Variants in ZNF589 observed in about 807,000 individuals in gnomAD.
ZNF589 encodes KRAB-zinc finger protein SZF1-1.
Under a neutral mutation model 13.6 loss-of-function variants are expected in ZNF589, and 17 were observed. The observed-to-expected ratio is 1.25, with a 90% CI of 0.86 to 1.88. The LOEUF (loss-of-function observed/expected upper bound fraction) is 1.88. Ranked by LOEUF, ZNF589 falls within the 40% of genes most tolerant of loss-of-function variation. The pLI, the probability that ZNF589 is intolerant of heterozygous loss-of-function variation, is 0.00. For missense variants in ZNF589, 407 were observed against 434.0 expected (o/e 0.94, Z 0.55); for synonymous variants, 148 against 161.6 (o/e 0.92, Z 0.64).
chr3:48,250,620 C>A (rs879510853), intron 2 of ZNF589, among the ~76,000 whole-genome samples: 3 of 151,816 alleles, frequency 2.0e-5, no homozygotes, highest in African/African-American at 7.2e-5. Flanking sequence ...TACAAGCATG[C>A]GACACCACGC....
chr3:48,256,919 A>G, intron 2 of ZNF589: 1 of 705,628 alleles, frequency 1.4e-6, no homozygotes, highest in Non-Finnish European at 2.5e-6. Flanking sequence ...GCCAGACACC[A>G]GAGCCTCAAA....
chr3:48,268,832 A>T lies in ZNF589; in HGVS notation c.*46A>T. Reference sequence around the variant, plus strand: ...ATCATGTCTCAACACACACCAGAGGATACATTCAGATGAGAAGCCTTTTGT... The same window carrying T: ...ATCATGTCTCAACACACACCAGAGGTTACATTCAGATGAGAAGCCTTTTGT... On this transcript the variant is annotated 3_prime_UTR_variant, in exon 4 of 4. Coordinates refer to ENST00000354698, the MANE Select transcript of ZNF589 (RefSeq NM_016089.3). The T allele has an allele frequency of 6.4e-7, 1 of 1,563,788 alleles. No homozygotes were observed.
chr3:48,249,739 A>T lies in ZNF589; in HGVS notation c.96+2062A>T, dbSNP rs181086615. On this transcript the variant is annotated intron_variant, in intron 2 of 3. Transcript: ENST00000354698. ...TCACACATGTATACCTTGCGTAATG[A>T]TCAAATCGGGGTAATTAGCATATCC... Among the ~76,000 whole-genome samples, 325 of 152,308 alleles carry T rather than the reference A, an allele frequency of 2.1e-3. 2 individuals are homozygous for T. The highest frequency in any genetic ancestry group is 4.1e-3 in the Admixed American group (62 of 15,292).
At chr3:48,265,658 T>C (rs1190555848) in intron 3 of ZNF589, among the ~76,000 whole-genome samples, 1 of 152,132 alleles carries the variant, frequency 6.6e-6, no homozygotes, top group Non-Finnish European at 1.5e-5. Flanking sequence ...TCTTCCATAT[T>C]TAATTAGCAC....
chr3:48,246,102 C>T (rs9884036), intron 1 of ZNF589, among the ~76,000 whole-genome samples: 6,560 of 152,044 alleles, frequency 0.043, 479 homozygotes, highest in African/African-American at 0.15. Context: ...CACTTAAGGT[C>T]GGGAGTTCGA....
Position 48,267,961 on chromosome 3 carries a change from C to G in ZNF589, c.270C>G (p.Ala90=), listed in dbSNP as rs1286233355. ...EVHTCPSCPL[A]FGSQQFLSQD... ...ATACCTGCCCTTCTTGCCCTCTGGCCTTTGGCAGTCAGCAGTTCCTCAGCC... is the reference window on the plus strand; with the variant it reads ...ATACCTGCCCTTCTTGCCCTCTGGCGTTTGGCAGTCAGCAGTTCCTCAGCC... Residue 90 remains alanine (A), a synonymous_variant, in exon 4 of 4, where the codon GCC becomes GCG. Coordinates refer to ENST00000354698, the MANE Select transcript of ZNF589 (RefSeq NM_016089.3). The G allele has an allele frequency of 6.2e-7, 1 of 1,613,472 alleles. No individual in the cohort carries two copies. Among genetic ancestry groups the G allele is most frequent in the Admixed American group, 1.7e-5 (1 of 60,036 alleles).
In ZNF589 at chr3:48,268,256, C is replaced by T. The variant is rs371119718; in HGVS notation, c.565C>T (p.Leu189Phe). Residue 189 changes from leucine to phenylalanine, a missense_variant, in exon 4 of 4, where the codon CTC becomes TTC. Leu to Phe is a conservative substitution (Grantham distance 22). Transcript: ENST00000354698. ...AGGCAACAGAATATTAGAGATACAG[C>T]TCAGTCCAGCCCAGAATGCAAGCTC... is the stretch of plus-strand genomic sequence containing the variant. ...WGGNRILEIQ[L>F]SPAQNASSEE... 1.2e-6 allele frequency: 2 copies of T among 1,607,952 alleles called. No individual in the cohort carries two copies. The highest frequency in any genetic ancestry group is 1.7e-6 in the Non-Finnish European group (2 of 1,176,744).
At chr3:48,256,287 G>A (rs2033902288) in intron 2 of ZNF589, 1 of 439,290 alleles carries the variant, frequency 2.3e-6, no homozygotes, top group African/African-American at 2.1e-5. Context: ...CAGGGCTTGT[G>A]AGTACGCCTC....
intron 3 of ZNF589, 136 bp from the exon 4 acceptor site, chr3:48,267,779 A>G: frequency 1.3e-6 from 1 of 784,024 alleles, no homozygotes; most frequent in South Asian, 2.5e-5. Flanking sequence ...GAATGAAAAT[A>G]TAGGTCCTGC....
At chr3:48,256,371 C>T (rs2106840549) in intron 2 of ZNF589, 1 of 554,024 alleles carries the variant, frequency 1.8e-6, no homozygotes, top group South Asian at 1.4e-5. Context: ...TCCAAGGTGT[C>T]CTTGAGTAGC....
At chr3:48,266,208 A>T (rs1014597148) in intron 3 of ZNF589, among the ~76,000 whole-genome samples, 1 of 152,230 alleles carries the variant, frequency 6.6e-6, no homozygotes, top group African/African-American at 2.4e-5. Context: ...AAGCCCCCTG[A>T]CATAGATGCA....
chr3:48,261,934 C>T (rs1433908472), intron 3 of ZNF589, among the ~76,000 whole-genome samples: 1 of 152,162 alleles, frequency 6.6e-6, no homozygotes, highest in African/African-American at 2.4e-5. Flanking sequence ...TCTTTATGCT[C>T]ATACATTTTG....
Position 48,269,029 on chromosome 3 carries a change from T to C in ZNF589, c.*243T>C, listed in dbSNP as rs1176760312. ...ACTCAGGGGAGAAGCCTTATGTGTG[T>C]GGGGAATGTGGGCGGGGATTTAGCC... On this transcript the variant is annotated 3_prime_UTR_variant, in exon 4 of 4. Coordinates refer to ENST00000354698, the MANE Select transcript of ZNF589 (RefSeq NM_016089.3). The C allele has an allele frequency of 5.0e-5, 34 of 680,490 alleles. 2 individuals are homozygous for C. In the South Asian group the frequency reaches 5.9e-4, roughly 12 times the overall value. 42.2% of individuals were successfully genotyped at this position (680,490 alleles called of 1,614,324 possible).
chr3:48,269,219 A>G lies in ZNF589; in HGVS notation c.*433A>G. ...ATGCACGGAGTGTGGGCAAGGCTTT[A>G]TCACGAAATCACAGCTCATCAGACA... On this transcript the variant is annotated 3_prime_UTR_variant, in exon 4 of 4. Coordinates refer to ENST00000354698, the MANE Select transcript of ZNF589 (RefSeq NM_016089.3). The G allele has an allele frequency of 7.0e-7, 1 of 1,432,948 alleles. No individual in the cohort carries two copies. The highest frequency in any genetic ancestry group is 2.5e-5 in the East Asian group (1 of 40,360). The allele number at this position is 1,432,948 out of a possible 1,614,324, so 88.8% of individuals were successfully genotyped here. A position where few individuals can be genotyped will look rare whatever the true frequency, so the allele number is the denominator to read the frequency against.
chr3:48,260,782 T>C lies in ZNF589; in HGVS notation c.97-31T>C, dbSNP rs1348166869. The C allele has an allele frequency of 3.7e-6, 6 of 1,613,880 alleles. No individual in the cohort carries two copies. The South Asian group carries it at 6.6e-5, about 18-fold the overall frequency. On this transcript the variant is annotated intron_variant, in intron 2 of 3. Transcript: ENST00000354698. ...TTTCACTGTGAATCTTAATGGTGAC[T>C]TGATGAATATGAATTTATCGGTTGA...
intron 3 of ZNF589, among the ~76,000 whole-genome samples, chr3:48,262,229 G>A (rs2033975623): frequency 6.6e-6 from 1 of 151,942 alleles, no homozygotes; most frequent in South Asian, 2.1e-4. Context: ...CATTCTCATT[G>A]CCCAAGCTGG....
At chr3:48,255,548 C>A (rs2033889830) in intron 2 of ZNF589, among the ~76,000 whole-genome samples, 1 of 133,918 alleles carries the variant, frequency 7.5e-6, no homozygotes, top group African/African-American at 2.9e-5. Flanking sequence ...GGCTGGAGTG[C>A]AGTAGTGCGA....
intron 2 of ZNF589, among the ~76,000 whole-genome samples, chr3:48,259,196 C>A (rs557031698): frequency 6.6e-6 from 1 of 152,178 alleles, no homozygotes; most frequent in African/African-American, 2.4e-5. Flanking sequence ...TGCCACGCGG[C>A]CTGACTGCCT....
Position 48,270,961 on chromosome 3 carries a change from A to T in ZNF589, c.*2175A>T, listed in dbSNP as rs182496436. ...GCTGACTTCAAGAATGAAGCCGTGG[A>T]CCCTCACGGTGAGTGTTACAATTCT... On this transcript the variant is annotated 3_prime_UTR_variant, in exon 4 of 4. Transcript: ENST00000354698. 1.6e-5 allele frequency: 3 copies of T among 190,130 alleles called. No individual in the cohort carries two copies. Among genetic ancestry groups the T allele is most frequent in the African/African-American group, 4.7e-5 (2 of 42,212 alleles). 11.8% of individuals were successfully genotyped at this position (190,130 alleles called of 1,614,324 possible).
Sources: allele counts gnomAD v4.1 joint callset (sites outside exome capture counted in the v4.1 genomes callset), GRCh38; gene constraint gnomAD v4.1.1; transcripts MANE v1.5; gene names NCBI Gene and HGNC (gene_info 2026-07-23, HGNC 2026-07-21).